Variants in TEX9 observed in about 807,000 individuals in gnomAD.
TEX9 encodes testis expressed 9, also known as testis-expressed protein 9.
Under a neutral mutation model 59.6 loss-of-function variants are expected in TEX9, and 74 were observed. That is an observed-to-expected ratio of 1.24 (90% CI 1.03 to 1.51). TEX9 has a LOEUF of 1.51. TEX9 is among the 40% of genes most tolerant of loss of function. The probability of loss-of-function intolerance (pLI) is 0.00; values close to 1 mark genes in which losing one functional copy is unlikely to be tolerated. For synonymous variants in TEX9, 186 were observed against 152.2 expected (o/e 1.22, Z -1.64); for missense variants, 522 against 447.8 (o/e 1.17, Z -1.49).
intron 2 of TEX9, among the ~76,000 whole-genome samples, chr15:56,371,788 G>A (rs2047202954): frequency 6.6e-6 from 1 of 152,098 alleles, no homozygotes; most frequent in South Asian, 2.1e-4. Context: ...TAGATAAGAT[G>A]AATTTGGACT....
intron 1 of TEX9, among the ~76,000 whole-genome samples, chr15:56,335,768 A>T (rs2046245284): frequency 6.6e-6 from 1 of 152,154 alleles, no homozygotes; most frequent in Non-Finnish European, 1.5e-5. Context: ...ACCCATAAAT[A>T]TATATACCTA....
chr15:56,420,454 C>G (rs187548029), intron 10 of TEX9, among the ~76,000 whole-genome samples: 96 of 151,650 alleles, frequency 6.3e-4, no homozygotes, highest in Admixed American at 1.7e-3. Flanking sequence ...ATTACAGGCC[C>G]CCGCCACCAT....
chr15:56,442,904 GAA>G (rs2050843209), intron 12 of TEX9, among the ~76,000 whole-genome samples: 1 of 148,530 alleles, frequency 6.7e-6, no homozygotes, highest in African/African-American at 2.5e-5. Context: ...GTTGGAAAGA[GAA>G]AAAGAAAAAA....
intron 9 of TEX9, chr15:56,397,622 A>C (rs1192835543): frequency 4.6e-5 from 7 of 152,064 alleles, no homozygotes; most frequent in Non-Finnish European, 1.0e-4. Context: ...TGAGGACATG[A>C]GATTTGGGAG....
upstream of TEX9, among the ~76,000 whole-genome samples, chr15:56,364,764 T>C (rs1352641105): frequency 6.6e-6 from 1 of 152,182 alleles, no homozygotes. Flanking sequence ...CATATCACGG[T>C]TTATTTTTGG....
rs2048367105 is a variant in TEX9 at position 56,394,599 on chromosome 15, G to T, written c.655-62G>T. On this transcript the variant is annotated intron_variant, in intron 8 of 12. Transcript: ENST00000352903. ...GAACATATGAAACGTCTTTTTTTCT[G>T]CTTTGTTTTGATAACAAATCTTACA... 8.9e-6 allele frequency: 11 copies of T among 1,234,812 alleles called. No homozygotes were observed. In the Admixed American group the frequency reaches 1.9e-4, roughly 21 times the overall value. The allele number at this position is 1,234,812 out of a possible 1,614,324, so 76.5% of individuals were successfully genotyped here. A position where few individuals can be genotyped will look rare whatever the true frequency, so the allele number is the denominator to read the frequency against.
chr15:56,413,189 A>C (rs951675165), intron 10 of TEX9, among the ~76,000 whole-genome samples: 1 of 44,652 alleles, frequency 2.2e-5, no homozygotes, highest in Non-Finnish European at 4.8e-5. Context: ...TCTATTTAAT[A>C]ATTAAATATT....
intron 2 of TEX9, among the ~76,000 whole-genome samples, chr15:56,372,784 T>C (rs1706045949): frequency 6.6e-6 from 1 of 152,184 alleles, no homozygotes; most frequent in Admixed American, 6.5e-5. Context: ...TCAATAATAT[T>C]GTCATCCTTG....
chr15:56,365,503 G>C, intron 1 of TEX9, 26 bp downstream of exon 1: 2 of 1,614,186 alleles, frequency 1.2e-6, no homozygotes, highest in Non-Finnish European at 1.7e-6. Flanking sequence ...GGCTCCTGGG[G>C]AGCGTCTGGG....
At chr15:56,261,726 A>T (rs1256495174) in intron 1 of TEX9, among the ~76,000 whole-genome samples, 2 of 152,070 alleles carry the variant, frequency 1.3e-5, no homozygotes, top group African/African-American at 4.8e-5. Context: ...CAAAAAAAAA[A>T]AATTATTAAC....
intron 7 of TEX9, among the ~76,000 whole-genome samples, chr15:56,392,649 G>T (rs1425106072): frequency 5.8e-5 from 4 of 68,688 alleles, no homozygotes; most frequent in Non-Finnish European, 1.9e-4. Flanking sequence ...AATAATTATT[G>T]TGTTACTAAT....
At chr15:56,308,800 AAATG>A (rs2045539761) in intron 1 of TEX9, among the ~76,000 whole-genome samples, 1 of 152,192 alleles carries the variant, frequency 6.6e-6, no homozygotes, top group East Asian at 1.9e-4. Context: ...CGATTCATTG[AAATG>A]ATTACCTTTG....
At chr15:56,285,225 T>C (rs1162541829) in intron 1 of TEX9, among the ~76,000 whole-genome samples, 1 of 152,176 alleles carries the variant, frequency 6.6e-6, no homozygotes, top group African/African-American at 2.4e-5. Flanking sequence ...TGAACATTTT[T>C]ACTTTACCCT....
rs370428476 is a variant in TEX9, at chr15:56,339,160, A to C, written c.-106-34281A>C. 2.0e-5 allele frequency among the ~76,000 whole-genome samples: 3 copies of C among 151,814 alleles called. No homozygotes were observed. The East Asian group carries it at 5.8e-4, about 30-fold the overall frequency. On this transcript the variant is annotated intron_variant, in intron 1 of 5. Transcript: ENST00000560827. ...CACTTTGAGGGGCTGAGGTGGGTGG[A>C]TCACCTGAGGTCAGGAGTTCCAGAC...
At chr15:56,312,377 C>T (rs1478604257) in intron 1 of TEX9, among the ~76,000 whole-genome samples, 2 of 144,258 alleles carry the variant, frequency 1.4e-5, no homozygotes, top group Admixed American at 1.4e-4. Context: ...AGCCAGTTTT[C>T]CCAGTACCAT....
chr15:56,281,324 T>C lies in TEX9; in HGVS notation c.-107+37046T>C, dbSNP rs144995857. On this transcript the variant is annotated intron_variant, in intron 1 of 5. Transcript: ENST00000560827. Reference sequence around the variant, plus strand: ...CCCCCAGGCTGCAGACGGGTACTGATCATGGTCTGTTAGGAACTGGGCTGC... The same window carrying C: ...CCCCCAGGCTGCAGACGGGTACTGACCATGGTCTGTTAGGAACTGGGCTGC... Among the ~76,000 whole-genome samples the C allele has an allele frequency of 2.4e-3, 359 of 152,350 alleles. 5 individuals are homozygous for C. The highest frequency in any genetic ancestry group is 8.3e-3 in the African/African-American group (345 of 41,582).
At chr15:56,443,381 A>T in intron 12 of TEX9, 1 of 1,366,526 alleles carries the variant, frequency 7.3e-7, no homozygotes, top group South Asian at 1.5e-5. Context: ...TTCATCTCAA[A>T]ATTATATTCT....
intron 1 of TEX9, among the ~76,000 whole-genome samples, chr15:56,354,255 T>C (rs572533819): frequency 1.5e-4 from 23 of 152,334 alleles, no homozygotes; most frequent in Admixed American, 3.9e-4. Context: ...CAGCCACATC[T>C]GCAATGTTCC....
chr15:56,409,722 G>T (rs28609291), intron 9 of TEX9: 2 of 152,084 alleles, frequency 1.3e-5, no homozygotes, highest in African/African-American at 4.8e-5. Context: ...GACTGGTCTC[G>T]AACTCCTGGG....
Sources: gnomAD v4.1 joint callset for allele counts (sites outside exome capture counted in the v4.1 genomes callset) on GRCh38, gnomAD v4.1.1 for gene constraint, MANE v1.5 for transcripts, NCBI Gene and HGNC (gene_info 2026-07-23, HGNC 2026-07-21) for gene names.